TMEM132D: variants seen among roughly 807,000 people sequenced by gnomAD.
TMEM132D encodes the protein transmembrane protein 132D.
Under a neutral mutation model 62.3 loss-of-function variants are expected in TMEM132D, and 21 were observed. That is an observed-to-expected ratio of 0.34 (90% confidence interval 0.24 to 0.49). The LOEUF is 0.49. TMEM132D is among the 20% of genes least tolerant of loss of function. TMEM132D has a pLI of 0.99. For synonymous variants in TMEM132D, 621 were observed against 575.6 expected, an observed-to-expected ratio of 1.08 and a Z score of -1.13; for missense variants, 1,346 against 1,402.8, an observed-to-expected ratio of 0.96 and a Z score of 0.65.
Position 129,361,713 on chromosome 12 carries a change from T to C in TMEM132D, c.1116-23896A>G, listed in dbSNP as rs887011276. Reference sequence around the variant, plus strand: ...TTGCAAAGGGATATTTAGAATCTTTTAAAAGATGTCATATTTAATAAAAAC... The same window carrying C: ...TTGCAAAGGGATATTTAGAATCTTTCAAAAGATGTCATATTTAATAAAAAC... On this transcript the variant is annotated intron_variant, in intron 3 of 8. Coordinates refer to ENST00000422113, the MANE Select transcript of TMEM132D (RefSeq NM_133448.3). Among the ~76,000 whole-genome samples the C allele has an allele frequency of 2.6e-5, 4 of 152,330 alleles. No individual in the cohort carries two copies. The East Asian group carries it at 7.7e-4, about 29-fold the overall frequency.
At chr12:129,724,300 G>A (rs886549433) in intron 1 of TMEM132D, among the ~76,000 whole-genome samples, 2 of 152,128 alleles carry the variant, frequency 1.3e-5, no homozygotes, top group Non-Finnish European at 2.9e-5. Flanking sequence ...ATTTGAAGAC[G>A]AATGCTACAG....
intron 1 of TMEM132D, among the ~76,000 whole-genome samples, chr12:129,766,271 T>A (rs1202030157): frequency 6.6e-6 from 1 of 152,208 alleles, no homozygotes; most frequent in Admixed American, 6.5e-5. Context: ...CCCTGACTTA[T>A]ACTCACTAGA....
At chr12:129,710,868 A>C (rs181406059) in intron 1 of TMEM132D, among the ~76,000 whole-genome samples, 5 of 139,512 alleles carry the variant, frequency 3.6e-5, no homozygotes, top group Admixed American at 7.0e-5. Context: ...TGCCTCTCCC[A>C]TACCCACGCG....
At chr12:129,426,399 T>A (rs1284236593) in intron 3 of TMEM132D, among the ~76,000 whole-genome samples, 1 of 152,120 alleles carries the variant, frequency 6.6e-6, no homozygotes, top group Non-Finnish European at 1.5e-5. Context: ...AATAAATCAG[T>A]TTAAATGCCT....
intron 1 of TMEM132D, among the ~76,000 whole-genome samples, chr12:129,869,507 G>A (rs770426750): frequency 1.3e-5 from 2 of 152,026 alleles, no homozygotes; most frequent in Admixed American, 6.5e-5. Flanking sequence ...TGGTTGTTAC[G>A]CCGTATTGCT....
intron 3 of TMEM132D, among the ~76,000 whole-genome samples, chr12:129,524,864 A>C (rs1380279761): frequency 6.7e-6 from 1 of 149,700 alleles, no homozygotes; most frequent in Non-Finnish European, 1.5e-5. Context: ...AAAAGAAAAG[A>C]GTTCTCTGTT....
chr12:129,581,893 T>G (rs534904902), intron 2 of TMEM132D, among the ~76,000 whole-genome samples: 1 of 152,320 alleles, frequency 6.6e-6, no homozygotes, highest in East Asian at 1.9e-4. Flanking sequence ...GGTACTCCTT[T>G]ATAACACACG....
chr12:129,881,860 T>A (rs1238596636), intron 1 of TMEM132D, among the ~76,000 whole-genome samples: 2 of 151,758 alleles, frequency 1.3e-5, no homozygotes, highest in Admixed American at 1.3e-4. Flanking sequence ...AGTTAACAGA[T>A]AAAATTCATA....
intron 3 of TMEM132D, among the ~76,000 whole-genome samples, chr12:129,499,229 T>C (rs1355872988): frequency 6.6e-6 from 1 of 152,064 alleles, no homozygotes; most frequent in Non-Finnish European, 1.5e-5. Flanking sequence ...ACAAATAACA[T>C]AATAAAAGCA....
At chr12:129,094,498 G>C (rs898605274) in intron 5 of TMEM132D, among the ~76,000 whole-genome samples, 2 of 152,168 alleles carry the variant, frequency 1.3e-5, no homozygotes, top group African/African-American at 4.8e-5. Flanking sequence ...TCTTACACCC[G>C]TTAGAATGGT....
chr12:129,408,096 T>A (rs1347924652), intron 3 of TMEM132D, among the ~76,000 whole-genome samples: 4 of 152,100 alleles, frequency 2.6e-5, no homozygotes, highest in African/African-American at 9.7e-5. Context: ...CTCCCCCCTC[T>A]GGTTTAATAT....
At chr12:129,317,701 C>T (rs905110994) in intron 4 of TMEM132D, among the ~76,000 whole-genome samples, 1 of 152,176 alleles carries the variant, frequency 6.6e-6, no homozygotes, top group Non-Finnish European at 1.5e-5. Context: ...CTAGCAAGGC[C>T]AGGGAAGTTT....
chr12:129,146,022 G>A (rs1056679340), intron 5 of TMEM132D, among the ~76,000 whole-genome samples: 4 of 151,868 alleles, frequency 2.6e-5, no homozygotes, highest in South Asian at 2.1e-4. Flanking sequence ...ATGCATATAC[G>A]TTGTGAAATG....
At chr12:129,425,690 GA>G (rs1252616822) in intron 3 of TMEM132D, among the ~76,000 whole-genome samples, 1 of 152,146 alleles carries the variant, frequency 6.6e-6, no homozygotes, top group East Asian at 1.9e-4. Flanking sequence ...TGATGTTGGG[GA>G]GAGGATGTGG....
intron 1 of TMEM132D, among the ~76,000 whole-genome samples, chr12:129,719,234 G>T (rs1213386641): frequency 2.0e-5 from 3 of 152,094 alleles, no homozygotes. Flanking sequence ...ACTACAGCCT[G>T]GGTGACAGAG....
chr12:129,580,531 C>T (rs1249584637), intron 2 of TMEM132D, among the ~76,000 whole-genome samples: 1 of 152,060 alleles, frequency 6.6e-6, no homozygotes, highest in Non-Finnish European at 1.5e-5. Flanking sequence ...GAAACAAATA[C>T]TGAGATCCCT....
At chr12:129,530,940 C>A in intron 3 of TMEM132D, 119 bp downstream of exon 3, 1 of 1,100,350 alleles carries the variant, frequency 9.1e-7, no homozygotes, top group East Asian at 2.4e-5. Flanking sequence ...ATAGAATAGA[C>A]GACACACACC....
intron 2 of TMEM132D, among the ~76,000 whole-genome samples, chr12:129,673,152 A>G (rs1880540560): frequency 6.6e-6 from 1 of 152,228 alleles, no homozygotes; most frequent in Non-Finnish European, 1.5e-5. Flanking sequence ...TTTCCCTTTT[A>G]GGAGAACCAT....
chr12:129,224,713 C>T (rs949811448), intron 4 of TMEM132D, among the ~76,000 whole-genome samples: 13 of 152,312 alleles, frequency 8.5e-5, no homozygotes, highest in Middle Eastern at 3.4e-3. Flanking sequence ...TGAGACCAGA[C>T]TGGCCAACAT....
Sources: gnomAD v4.1 joint callset for allele counts (sites outside exome capture counted in the v4.1 genomes callset) on GRCh38, gnomAD v4.1.1 for gene constraint, MANE v1.5 for transcripts, NCBI Gene and HGNC (gene_info 2026-07-23, HGNC 2026-07-21) for gene names.